LIMS1: variants seen among roughly 807,000 people sequenced by gnomAD.
The protein encoded by LIMS1 is LIM zinc finger domain containing 1.
In LIMS1, 18 loss-of-function variants were observed where a neutral mutation model predicts 44.1. The observed-to-expected ratio is 0.41, with a 90% CI of 0.28 to 0.61. LIMS1 has a LOEUF of 0.61. LIMS1 is among the 20% of genes least tolerant of loss of function. The pLI is 0.32. For synonymous variants in LIMS1, 93 were observed against 149.1 expected (o/e 0.62, Z 2.74); for missense variants, 201 against 422.0 (o/e 0.48, Z 4.59).
At chr2:108,671,753 C>T (rs913051867) in intron 3 of LIMS1, among the ~76,000 whole-genome samples, 1 of 152,178 alleles carries the variant, frequency 6.6e-6, no homozygotes, top group Non-Finnish European at 1.5e-5. Context: ...AGCCTAGTAG[C>T]TCGTTTGGAC....
chr2:108,559,704 T>C (rs1685047660), intron 1 of LIMS1, among the ~76,000 whole-genome samples: 1 of 152,226 alleles, frequency 6.6e-6, no homozygotes, highest in Non-Finnish European at 1.5e-5. Flanking sequence ...ATAGAATCTA[T>C]ATCAGTCTTC....
At chr2:108,646,830 CGAATAGCT>C (rs1051768207) in intron 1 of LIMS1, among the ~76,000 whole-genome samples, 7 of 152,144 alleles carry the variant, frequency 4.6e-5, no homozygotes, top group African/African-American at 1.7e-4. Context: ...CTCAGCCTCC[CGAATAGCT>C]GGGACTATGA....
rs1558798302 is a variant in LIMS1, at chr2:108,587,293, TGTGTGTGTG to T, written c.32+52700_32+52708del. Among the ~76,000 whole-genome samples, 442 of 90,126 alleles carry T rather than the reference TGTGTGTGTG, an allele frequency of 4.9e-3. 2 individuals are homozygous for T. The highest frequency in any genetic ancestry group is 0.013 in the Middle Eastern group (2 of 160). 59.1% of individuals were successfully genotyped at this position (90,126 alleles called of 152,430 possible). ...TGATGAGTTGTTTTCTTGGGGTTTG[TGTGTGTGTG>T]TGTGTGTGTGTGTGTGTGTGTGTGT... is the stretch of plus-strand genomic sequence containing the variant. On this transcript the variant is annotated intron_variant, in intron 1 of 9. Transcript: ENST00000544547.
chr2:108,673,359 T>G (rs1460806095), intron 5 of LIMS1: 11 of 378,376 alleles, frequency 2.9e-5, no homozygotes, highest in Middle Eastern at 8.0e-4. Flanking sequence ...AAGAGCATTT[T>G]CCTATGGAAC....
At chr2:108,636,440 A>G (rs1197894455) in intron 1 of LIMS1, among the ~76,000 whole-genome samples, 2 of 152,212 alleles carry the variant, frequency 1.3e-5, no homozygotes, top group Admixed American at 6.5e-5. Flanking sequence ...ACACCGAAGA[A>G]GCCAGAGTGC....
chr2:108,543,742 T>C (rs547746027), intron 1 of LIMS1, among the ~76,000 whole-genome samples: 2 of 152,192 alleles, frequency 1.3e-5, no homozygotes, highest in Non-Finnish European at 2.9e-5. Flanking sequence ...TGTAGACATA[T>C]AGCTTAGAAG....
intron 2 of LIMS1, chr2:108,660,484 A>C: frequency 2.7e-6 from 1 of 365,766 alleles, no homozygotes; most frequent in South Asian, 2.1e-5. Flanking sequence ...CCCAGGCTAG[A>C]GTGTAGTGGC....
intron 1 of LIMS1, among the ~76,000 whole-genome samples, chr2:108,557,604 C>T (rs1413512580): frequency 6.6e-6 from 1 of 151,574 alleles, no homozygotes; most frequent in Non-Finnish European, 1.5e-5. Flanking sequence ...GCAACCTCTA[C>T]CTCCCATGTT....
intron 1 of LIMS1, among the ~76,000 whole-genome samples, chr2:108,654,120 T>C (rs1690688711): frequency 6.6e-6 from 1 of 151,754 alleles, no homozygotes; most frequent in African/African-American, 2.4e-5. Context: ...GTAGCTATCT[T>C]ATTTAGCAAT....
At chr2:108,554,172 A>G (rs554167734) in intron 1 of LIMS1, among the ~76,000 whole-genome samples, 1 of 152,322 alleles carries the variant, frequency 6.6e-6, no homozygotes, top group African/African-American at 2.4e-5. Flanking sequence ...GGAAATTGCC[A>G]GGAGAGGATA....
At chr2:108,583,865 G>A (rs1379266378) in intron 1 of LIMS1, among the ~76,000 whole-genome samples, 3 of 151,860 alleles carry the variant, frequency 2.0e-5, no homozygotes, top group African/African-American at 7.2e-5. Flanking sequence ...TGGCTAACTT[G>A]TATTTTTTAG....
chr2:108,550,684 C>G (rs543708240), intron 1 of LIMS1, among the ~76,000 whole-genome samples: 1 of 150,900 alleles, frequency 6.6e-6, no homozygotes, highest in Non-Finnish European at 1.5e-5. Context: ...GGCGTCGTGG[C>G]GGGTGCCTGT....
chr2:108,623,244 AT>A (rs1159595894), intron 1 of LIMS1, among the ~76,000 whole-genome samples: 5 of 150,114 alleles, frequency 3.3e-5, no homozygotes, highest in Non-Finnish European at 3.0e-5. Context: ...GCTTAGGTGT[AT>A]TTTTTTTTAC....
At chr2:108,617,245 CTT>C (rs1224530730) in intron 1 of LIMS1, among the ~76,000 whole-genome samples, 1 of 152,190 alleles carries the variant, frequency 6.6e-6, no homozygotes, top group Non-Finnish European at 1.5e-5. Context: ...TCTTTACCCT[CTT>C]ATATCTGAAG....
At chr2:108,588,280 A>T in intron 1 of LIMS1, 1 of 973,146 alleles carries the variant, frequency 1.0e-6, no homozygotes, top group Non-Finnish European at 1.2e-6. Flanking sequence ...GAAAAAAAAA[A>T]ACCCTGAACT....
rs1250862298 is a variant in LIMS1 at position 108,583,405 on chromosome 2, G to GGCATATACATAGAGATGA, written c.32+48831_32+48848dup. On this transcript the variant is annotated intron_variant, in intron 1 of 9. Coordinates refer to ENST00000544547, the Ensembl canonical transcript of LIMS1. Reference sequence around the variant, plus strand: ...ACTAATGTTTTCCTGAGTGACATAGGGCATATACATAGAGATGAGCATATA... The same window carrying GGCATATACATAGAGATGA: ...ACTAATGTTTTCCTGAGTGACATAGGGCATATACATAGAGATGAGCATATACATAGAGATGAGCATATA... Among the ~76,000 whole-genome samples, 48 of 151,990 alleles carry GGCATATACATAGAGATGA rather than the reference G, an allele frequency of 3.2e-4. 2 individuals carry two copies. Among genetic ancestry groups the GGCATATACATAGAGATGA allele is most frequent in the African/African-American group, 1.1e-3 (46 of 41,452 alleles).
intron 1 of LIMS1, among the ~76,000 whole-genome samples, chr2:108,654,626 G>A (rs1690721337): frequency 6.6e-6 from 1 of 152,174 alleles, no homozygotes; most frequent in East Asian, 1.9e-4. Context: ...GCTTGTCAGG[G>A]GATGTTTTAC....
chr2:108,546,058 C>T (rs1008759618), intron 1 of LIMS1, among the ~76,000 whole-genome samples: 1 of 152,196 alleles, frequency 6.6e-6, no homozygotes, highest in African/African-American at 2.4e-5. Context: ...CCTGTCTAGT[C>T]TCCTACTTAA....
In LIMS1 at chr2:108,551,945, G is replaced by GTA. The variant is rs1354548064; in HGVS notation, c.32+17352_32+17353insAT. ...TGTGTATATATGTGTGTGTGTGTGT[G>GTA]TGTGTGTGTATATATATATATATAT... On this transcript the variant is annotated intron_variant, in intron 1 of 9. Transcript: ENST00000544547. 6.4e-4 allele frequency among the ~76,000 whole-genome samples: 62 copies of GTA among 96,344 alleles called. No homozygotes were observed. The East Asian group carries it at 0.022, about 34-fold the overall frequency. 63.2% of individuals were successfully genotyped at this position (96,344 alleles called of 152,430 possible).
Sources: gnomAD v4.1 joint callset for allele counts (sites outside exome capture counted in the v4.1 genomes callset) on GRCh38, gnomAD v4.1.1 for gene constraint, MANE v1.5 for transcripts, NCBI Gene and HGNC (gene_info 2026-07-23, HGNC 2026-07-21) for gene names.